POMK: variants seen among roughly 807,000 people sequenced by gnomAD.
POMK encodes the protein protein O-mannose kinase.
POMK carries 19 observed loss-of-function variants against 23.0 expected under a neutral mutation model. That is an observed-to-expected ratio of 0.83 (90% CI 0.58 to 1.21). The LOEUF (loss-of-function observed/expected upper bound fraction) is 1.21, where lower values mean the gene tolerates loss of function less well. Among genes scored for constraint, POMK ranks in the 50% most tolerant of loss-of-function variants. POMK has a pLI of 0.00. For synonymous variants in POMK, 173 were observed against 171.6 expected (o/e 1.01, Z -0.06); for missense variants, 410 against 431.3 (o/e 0.95, Z 0.44).
At chr8:43,113,904 A>G (rs1004739079) in intron 4 of POMK, among the ~76,000 whole-genome samples, 1 of 152,258 alleles carries the variant, frequency 6.6e-6, no homozygotes, top group Non-Finnish European at 1.5e-5. Context: ...GGGTACCAGC[A>G]GCGGTGGCTG....
intron 1 of POMK, among the ~76,000 whole-genome samples, chr8:43,096,075 C>T (rs1021531262): frequency 2.0e-5 from 3 of 152,156 alleles, no homozygotes; most frequent in Non-Finnish European, 4.4e-5. Flanking sequence ...GCAGTTGGTG[C>T]GTCTTTGCCG....
chr8:43,103,455 C>T, intron 3 of POMK, 73 bp from the exon 4 acceptor site: 2 of 1,436,130 alleles, frequency 1.4e-6, no homozygotes, highest in Non-Finnish European at 1.9e-6. Context: ...GAAGAGGCAT[C>T]AGAACACATT....
rs147680806 is a variant in POMK at position 43,103,770 on chromosome 8, C to T, written c.222C>T (p.Cys74=). 5.9e-5 allele frequency: 96 copies of T among 1,614,190 alleles called. No homozygotes were observed. Among genetic ancestry groups the T allele is most frequent in the South Asian group, 4.2e-4 (38 of 91,090 alleles). The part of the protein sequence containing the change: ...QMKNCSPWLS[C]EELRTEVRQL... ...AAAACTGCTCACCTTGGCTGTCCTG[C>T]GAGGAGCTGAGAACAGAAGTGAGAC... is the stretch of plus-strand genomic sequence containing the variant. Residue 74 remains cysteine (C), a synonymous_variant, in exon 4 of 5, where the codon TGC becomes TGT. Transcript: ENST00000331373.
At chr8:43,118,110 G>A (rs566762825) in intron 4 of POMK, among the ~76,000 whole-genome samples, 27 of 151,806 alleles carry the variant, frequency 1.8e-4, no homozygotes, top group Non-Finnish European at 3.8e-4. Context: ...CCAAATTCCT[G>A]GTATTTTTAT....
At chr8:43,117,817 G>A (rs1331927153) in intron 4 of POMK, among the ~76,000 whole-genome samples, 6 of 152,192 alleles carry the variant, frequency 3.9e-5, no homozygotes, top group Non-Finnish European at 5.9e-5. Flanking sequence ...TCTATCATGC[G>A]CTGCTGGTGA....
chr8:43,094,547 T>C (rs771933871), intron 1 of POMK, among the ~76,000 whole-genome samples: 1 of 152,202 alleles, frequency 6.6e-6, no homozygotes, highest in Non-Finnish European at 1.5e-5. Flanking sequence ...CATAATCTTG[T>C]CTTTGCCACC....
intron 2 of POMK, among the ~76,000 whole-genome samples, chr8:43,102,161 C>T (rs968745584): frequency 1.3e-5 from 2 of 152,210 alleles, no homozygotes; most frequent in Non-Finnish European, 2.9e-5. Context: ...AGACTTTTCC[C>T]CTAAGCTCCA....
intron 2 of POMK, among the ~76,000 whole-genome samples, chr8:43,098,578 T>G (rs1260466194): frequency 1.3e-5 from 2 of 152,246 alleles, no homozygotes; most frequent in Non-Finnish European, 2.9e-5. Flanking sequence ...TCCGTGAACA[T>G]TCATGTATGA....
intron 1 of POMK, among the ~76,000 whole-genome samples, chr8:43,094,947 A>G (rs893256938): frequency 2.6e-5 from 4 of 152,164 alleles, no homozygotes; most frequent in South Asian, 4.1e-4. Flanking sequence ...GTTTTTGCTT[A>G]CTTCTGGACA....
Position 43,100,079 on chromosome 8 carries a change from C to T in POMK, c.-117-2426C>T, listed in dbSNP as rs142845559. Among the ~76,000 whole-genome samples, 9 of 152,208 alleles carry T rather than the reference C, an allele frequency of 5.9e-5. No homozygotes were observed. In the East Asian group the frequency reaches 7.7e-4, roughly 13 times the overall value. On this transcript the variant is annotated intron_variant, in intron 2 of 4. Coordinates refer to ENST00000331373, the MANE Select transcript of POMK (RefSeq NM_032237.5). ...GAGAGGGCACAGGGCAGGAGTCCTT[C>T]GGGGCCTCTCTGACCTGGCCCGGGG... is the stretch of plus-strand genomic sequence containing the variant.
chr8:43,112,320 A>G (rs1358933800), intron 4 of POMK, among the ~76,000 whole-genome samples: 3 of 152,260 alleles, frequency 2.0e-5, no homozygotes, highest in Non-Finnish European at 2.9e-5. Flanking sequence ...GGTATCAGTG[A>G]TGGAAGACGA....
intron 3 of POMK, among the ~76,000 whole-genome samples, 180 bp from the exon 4 acceptor site, chr8:43,103,348 A>T (rs1811480919): frequency 1.3e-5 from 2 of 152,190 alleles, no homozygotes; most frequent in African/African-American, 4.8e-5. Context: ...AGTAATGATT[A>T]TGGAAACAGC....
At position 43,122,368 on chromosome 8, in the gene POMK, G is replaced by A. The variant is rs1437388420; in HGVS notation, c.544G>A (p.Ala182Thr). Residue 182 changes from alanine (A) to threonine (T), a missense_variant, in exon 5 of 5, where the codon GCC (alanine) becomes ACC (threonine). Transcript: ENST00000331373. ...VNTWQHRLELAMDYVSIINYL... is the reference protein window; with the variant it reads ...VNTWQHRLELTMDYVSIINYL... ...CACGTGGCAGCACAGGCTGGAGCTGGCCATGGACTATGTCAGCATCATTAA... is the reference window on the plus strand; with the variant it reads ...CACGTGGCAGCACAGGCTGGAGCTGACCATGGACTATGTCAGCATCATTAA... 6.2e-7 allele frequency: 1 copy of A among 1,614,178 alleles called. No homozygotes were observed. The highest frequency in any genetic ancestry group is 1.3e-5 in the African/African-American group (1 of 75,038).
intron 4 of POMK, among the ~76,000 whole-genome samples, chr8:43,119,082 A>T (rs1177702780): frequency 1.3e-5 from 2 of 152,108 alleles, no homozygotes; most frequent in African/African-American, 2.4e-5. Flanking sequence ...AAGTGCTGGG[A>T]TTACAGGCAT....
At chr8:43,099,058 C>T (rs1811388812) in intron 2 of POMK, among the ~76,000 whole-genome samples, 1 of 152,186 alleles carries the variant, frequency 6.6e-6, no homozygotes, top group South Asian at 2.1e-4. Context: ...ATGATCCTCC[C>T]ACCTCAGCCT....
intron 4 of POMK, among the ~76,000 whole-genome samples, chr8:43,118,691 T>C (rs1372182712): frequency 6.6e-6 from 1 of 152,218 alleles, no homozygotes; most frequent in East Asian, 1.9e-4. Flanking sequence ...CAAAGACTAA[T>C]AGTATTTCAT....
rs187290322 is a variant in POMK at position 43,112,724 on chromosome 8, A to C, written c.282+8894A>C. 7.4e-4 allele frequency among the ~76,000 whole-genome samples: 112 copies of C among 152,362 alleles called. No homozygotes were observed. The South Asian group carries it at 7.9e-3, about 11-fold the overall frequency. On this transcript the variant is annotated intron_variant, in intron 4 of 4. Coordinates refer to ENST00000331373, the MANE Select transcript of POMK (RefSeq NM_032237.5). The stretch of plus-strand genomic sequence containing the variant: ...GACTAATAGCGGATCTCTCAGCAGA[A>C]ACTCTACAAGCCAGAAGAGAGTGGG...
At chr8:43,111,069 G>T (rs1811646949) in intron 4 of POMK, among the ~76,000 whole-genome samples, 1 of 152,184 alleles carries the variant, frequency 6.6e-6, no homozygotes, top group Non-Finnish European at 1.5e-5. Context: ...GTGCCGGACA[G>T]TGGGTGCAGG....
At position 43,122,834 on chromosome 8, in the gene POMK, C is replaced by T; in HGVS notation, c.1010C>T (p.Thr337Ile). 6.2e-7 allele frequency: 1 copy of T among 1,613,664 alleles called. No homozygotes were observed. Among genetic ancestry groups the T allele is most frequent in the African/African-American group, 1.3e-5 (1 of 75,046 alleles). Residue 337 changes from threonine (T) to isoleucine (I), a missense_variant, in exon 5 of 5, where the codon ACA becomes ATA. Transcript: ENST00000331373. ...GAGACCTACCAGAAGGTCTTGGATA[C>T]ACTTAGAGATGCCATGATGTCTCAG... ...VLETYQKVLD[T>I]LRDAMMSQAR...
Sources: allele counts gnomAD v4.1 joint callset (sites outside exome capture counted in the v4.1 genomes callset), GRCh38; gene constraint gnomAD v4.1.1; transcripts MANE v1.5; gene names NCBI Gene and HGNC (gene_info 2026-07-23, HGNC 2026-07-21).